The following ZC3H12C variants were observed in gnomAD, a reference collection of about 807,000 sequenced individuals.
ZC3H12C encodes the protein zinc finger CCCH-type containing 12C, also known as probable ribonuclease ZC3H12C.
Under a neutral mutation model 76.3 loss-of-function variants are expected in ZC3H12C, and 20 were observed. The observed-to-expected ratio is 0.26, with a 90% CI of 0.18 to 0.38. The LOEUF (loss-of-function observed/expected upper bound fraction) is 0.38. ZC3H12C is among the 10% of genes least tolerant of loss of function. ZC3H12C has a pLI of 1.00. For synonymous variants in ZC3H12C, 352 were observed against 399.6 expected (o/e 0.88, Z 1.42); for missense variants, 874 against 1,086.5 (o/e 0.80, Z 2.75).
intron 4 of ZC3H12C, 129 bp downstream of exon 4, chr11:110,159,619 C>T: frequency 1.3e-6 from 1 of 792,762 alleles, no homozygotes; most frequent in African/African-American, 1.7e-5. Context: ...CTGATCTCCC[C>T]ACTGATCCTC....
chr11:110,162,141 G>GA (rs1411248273), intron 4 of ZC3H12C, among the ~76,000 whole-genome samples: 6 of 151,668 alleles, frequency 4.0e-5, no homozygotes, highest in South Asian at 4.2e-4. Flanking sequence ...GTGTCAAAAA[G>GA]AAAAAAAGGA....
intron 1 of ZC3H12C, among the ~76,000 whole-genome samples, chr11:110,118,089 TACACATACAC>T (rs1565252633): frequency 1.7e-5 from 1 of 59,202 alleles, no homozygotes; most frequent in Non-Finnish European, 3.4e-5. Flanking sequence ...ATTATATATA[TACACATACAC>T]ACACATATAC....
At chr11:110,163,244 G>A (rs1286386925) in intron 4 of ZC3H12C, 29 bp from the exon 5 acceptor site, 1 of 1,552,078 alleles carries the variant, frequency 6.4e-7, no homozygotes, top group Non-Finnish European at 8.8e-7. Flanking sequence ...TCCTACTTAG[G>A]TATCATTTTT....
intron 2 of ZC3H12C, 68 bp from the exon 3 acceptor site, chr11:110,152,851 T>C: frequency 6.6e-7 from 1 of 1,525,898 alleles, no homozygotes; most frequent in Admixed American, 2.0e-5. Flanking sequence ...TTTCTGTTTA[T>C]AAACTTGAAT....
At chr11:110,161,291 A>G (rs1310126267) in intron 4 of ZC3H12C, among the ~76,000 whole-genome samples, 2 of 152,242 alleles carry the variant, frequency 1.3e-5, no homozygotes, top group Non-Finnish European at 2.9e-5. Flanking sequence ...TTACGTTACC[A>G]GCAACTTTTC....
intron 1 of ZC3H12C, among the ~76,000 whole-genome samples, chr11:110,100,347 A>G (rs1861191294): frequency 6.6e-6 from 1 of 152,116 alleles, no homozygotes; most frequent in Non-Finnish European, 1.5e-5. Context: ...CCCAGCAAAA[A>G]GCAATGTAGT....
At position 110,126,052 on chromosome 11, in the gene ZC3H12C, GTTTTTCTT is replaced by G. The variant is rs567512626; in HGVS notation, c.22-10610_22-10603del. ...TCCCAAGCCCTTTCTCAAAAGTCCT[GTTTTTCTT>G]GCTGATGAATAGTAAATTGATATGC... On this transcript the variant is annotated intron_variant, in intron 1 of 5. Transcript: ENST00000278590. 3.7e-4 allele frequency among the ~76,000 whole-genome samples: 56 copies of G among 152,154 alleles called. No homozygotes were observed. In the South Asian group the frequency reaches 0.011, roughly 30 times the overall value.
intron 3 of ZC3H12C, among the ~76,000 whole-genome samples, chr11:110,158,120 G>A (rs961390419): frequency 2.6e-5 from 4 of 152,156 alleles, no homozygotes; most frequent in Non-Finnish European, 4.4e-5. Context: ...AGGAAAGGAT[G>A]GTTGAAAGAG....
In ZC3H12C at chr11:110,117,271, T is replaced by C. The variant is rs545339635; in HGVS notation, c.22-19392T>C. On this transcript the variant is annotated intron_variant, in intron 1 of 5. Coordinates refer to ENST00000278590, the MANE Select transcript of ZC3H12C (RefSeq NM_033390.2). ...GCATATGTAATCCTCCTCAAAGTAATCATATTTCTCTATTGGCTAATCTAT... is the reference window on the plus strand; with the variant it reads ...GCATATGTAATCCTCCTCAAAGTAACCATATTTCTCTATTGGCTAATCTAT... 4.6e-5 allele frequency among the ~76,000 whole-genome samples: 7 copies of C among 152,312 alleles called. No homozygotes were observed. In the South Asian group the frequency reaches 6.2e-4, roughly 14 times the overall value.
intron 2 of ZC3H12C, 75 bp downstream of exon 2, chr11:110,137,489 T>C (rs1025649791): frequency 6.2e-6 from 9 of 1,454,334 alleles, no homozygotes; most frequent in African/African-American, 1.4e-5. Flanking sequence ...TTGTGGCTCT[T>C]TTCCTTCTCA....
At chr11:110,107,547 C>T (rs561918282) in intron 1 of ZC3H12C, among the ~76,000 whole-genome samples, 11 of 151,486 alleles carry the variant, frequency 7.3e-5, no homozygotes, top group African/African-American at 1.2e-4. Context: ...TTTTTTAAGA[C>T]GGAGTTTTGC....
Position 110,167,742 on chromosome 11 carries a change from T to A in ZC3H12C, c.*2005T>A, listed in dbSNP as rs994450535. On this transcript the variant is annotated 3_prime_UTR_variant, in exon 6 of 6. Coordinates refer to ENST00000278590, the MANE Select transcript of ZC3H12C (RefSeq NM_033390.2). ...CAAACTTAATTCAGGAAAGTGGTAT[T>A]CTACACAATTATTGCTGTTGTGTTT... The A allele has an allele frequency of 6.6e-6, 1 of 152,184 alleles. No homozygotes were observed. The highest frequency in any genetic ancestry group is 2.4e-5 in the African/African-American group (1 of 41,454). 9.4% of individuals were successfully genotyped at this position (152,184 alleles called of 1,614,324 possible).
In ZC3H12C at chr11:110,165,936, T is replaced by A; in HGVS notation, c.*199T>A. 1 of 163,832 alleles carries A rather than the reference T, an allele frequency of 6.1e-6. No individual in the cohort carries two copies. The highest frequency in any genetic ancestry group is 1.0e-5 in the Non-Finnish European group (1 of 98,774). The allele number at this position is 163,832 out of a possible 1,614,324, so 10.1% of individuals were successfully genotyped here. A position where few individuals can be genotyped will look rare whatever the true frequency, so the allele number is the denominator to read the frequency against. Reference sequence around the variant, plus strand: ...TCACGGGATTGCTTTACATTTAAACTTTTTTTTTTTAACATTTCCTTTTTA... The same window carrying A: ...TCACGGGATTGCTTTACATTTAAACATTTTTTTTTTAACATTTCCTTTTTA... On this transcript the variant is annotated 3_prime_UTR_variant, in exon 6 of 6. Coordinates refer to ENST00000278590, the MANE Select transcript of ZC3H12C (RefSeq NM_033390.2).
chr11:110,164,285 G>A lies in ZC3H12C; in HGVS notation c.1256-56G>A. Reference sequence around the variant, plus strand: ...CAAGTTAAAATCATAGGGCCAAACTGAGTTTTCAGGATCTGATGGTATGCT... The same window carrying A: ...CAAGTTAAAATCATAGGGCCAAACTAAGTTTTCAGGATCTGATGGTATGCT... On this transcript the variant is annotated intron_variant, in intron 5 of 5. Transcript: ENST00000278590. This position sits in a 1 kb window ranked among gnomAD's most constrained non-coding sequence, Gnocchi z 5.7. 1 of 1,452,480 alleles carries A rather than the reference G, an allele frequency of 6.9e-7. No homozygotes were observed. The allele number at this position is 1,452,480 out of a possible 1,614,324, so 90.0% of individuals were successfully genotyped here.
Position 110,170,476 on chromosome 11 carries a change from T to A in ZC3H12C, c.*4739T>A, listed in dbSNP as rs184735192. 2.0e-5 allele frequency: 3 copies of A among 152,328 alleles called. No individual in the cohort carries two copies. The East Asian group carries it at 5.8e-4, about 29-fold the overall frequency. 9.4% of individuals were successfully genotyped at this position (152,328 alleles called of 1,614,324 possible). ...AAGATAAATATATTGTAATTTCACA[T>A]GCTATAGCTTTATTCTGTAAGATTA... On this transcript the variant is annotated 3_prime_UTR_variant, in exon 6 of 6. Coordinates refer to ENST00000278590, the MANE Select transcript of ZC3H12C (RefSeq NM_033390.2).
chr11:110,127,420 CTCTAT>C (rs1861768782), intron 1 of ZC3H12C, among the ~76,000 whole-genome samples: 1 of 152,100 alleles, frequency 6.6e-6, no homozygotes, highest in African/African-American at 2.4e-5. Flanking sequence ...TGATTTTTTA[CTCTAT>C]TCTTTTACAC....
intron 3 of ZC3H12C, among the ~76,000 whole-genome samples, chr11:110,156,924 T>C (rs1212844937): frequency 6.6e-6 from 1 of 152,222 alleles, no homozygotes; most frequent in African/African-American, 2.4e-5. Flanking sequence ...CTCATACCTG[T>C]AATCCCAGCA....
At position 110,136,759 on chromosome 11, in the gene ZC3H12C, C is replaced by T. The variant is rs375346362; in HGVS notation, c.118C>T (p.His40Tyr). The T allele has an allele frequency of 3.7e-6, 6 of 1,613,852 alleles. No individual in the cohort carries two copies. The African/African-American group carries it at 6.7e-5, about 18-fold the overall frequency. Residue 40 changes from histidine to tyrosine, a missense_variant, in exon 2 of 6, where the codon CAT (histidine) becomes TAT (tyrosine). His to Tyr is a moderately conservative substitution (Grantham distance 83). Coordinates refer to ENST00000278590, the MANE Select transcript of ZC3H12C (RefSeq NM_033390.2). Reference sequence around the variant, plus strand: ...CATGGGCTTGAAGGATCACCTAGGGCATGACCTCGGCCACCTTTATGTGGA... The same window carrying T: ...CATGGGCTTGAAGGATCACCTAGGGTATGACCTCGGCCACCTTTATGTGGA... Reference protein sequence around the residue: ...NFMGLKDHLGHDLGHLYVEST... With the variant: ...NFMGLKDHLGYDLGHLYVEST...
At chr11:110,154,223 A>G (rs1862330708) in intron 3 of ZC3H12C, among the ~76,000 whole-genome samples, 1 of 152,106 alleles carries the variant, frequency 6.6e-6, no homozygotes, top group Admixed American at 6.6e-5. Flanking sequence ...AATACAAAAA[A>G]TTAGCCAGGT....
Sources: allele counts gnomAD v4.1 joint callset (sites outside exome capture counted in the v4.1 genomes callset), GRCh38; gene constraint gnomAD v4.1.1; non-coding constraint Gnocchi (gnomAD v3.1); transcripts MANE v1.5; gene names NCBI Gene and HGNC (gene_info 2026-07-23, HGNC 2026-07-21).